AIG1: variants seen among roughly 807,000 people sequenced by gnomAD.
AIG1 encodes the protein androgen induced 1.
AIG1 carries 23 observed loss-of-function variants against 31.4 expected under a neutral mutation model. The observed-to-expected ratio is 0.73, with a 90% CI of 0.53 to 1.04. The LOEUF is 1.04. Among genes scored for constraint, AIG1 ranks in the 50% least tolerant of loss-of-function variants. The pLI is 0.00. For synonymous variants in AIG1, 100 were observed against 110.5 expected (o/e 0.90, Z 0.60); for missense variants, 274 against 295.0 (o/e 0.93, Z 0.52).
rs1776955869 is a variant in AIG1 at position 143,330,152 on chromosome 6, C to T, written c.516-3130C>T. Among the ~76,000 whole-genome samples, 1 of 152,158 alleles carries T rather than the reference C, an allele frequency of 6.6e-6. No individual in the cohort carries two copies. On this transcript the variant is annotated intron_variant, in intron 4 of 5. Transcript: ENST00000357847. This position sits in a 1 kb window ranked among gnomAD's most constrained non-coding sequence, Gnocchi z 4.4. The stretch of plus-strand genomic sequence containing the variant: ...TATTGAGTGCATACTCTGCCAGATA[C>T]TGCTCCAAGAACCACAGAATACAGC...
chr6:143,114,998 A>G (rs1412832247), intron 1 of AIG1, among the ~76,000 whole-genome samples: 1 of 152,148 alleles, frequency 6.6e-6, no homozygotes, highest in Non-Finnish European at 1.5e-5. Flanking sequence ...CTTGTTTTTT[A>G]TACTTTATTA....
chr6:143,080,307 G>A (rs144639604), intron 1 of AIG1, among the ~76,000 whole-genome samples: 146 of 152,282 alleles, frequency 9.6e-4, no homozygotes, highest in East Asian at 3.9e-3. Context: ...CCAGGGGTCC[G>A]CGGTAGATCT....
intron 3 of AIG1, among the ~76,000 whole-genome samples, chr6:143,281,805 A>C (rs535349961): frequency 1.1e-4 from 17 of 152,232 alleles, no homozygotes; most frequent in Non-Finnish European, 2.2e-4. Context: ...GTTATGACAT[A>C]GAAAAACCTT....
At chr6:143,065,151 A>G (rs2128457140) in intron 1 of AIG1, among the ~76,000 whole-genome samples, 1 of 152,246 alleles carries the variant, frequency 6.6e-6, no homozygotes, top group Non-Finnish European at 1.5e-5. Context: ...TAAGGCAGGA[A>G]TTGGCTGTTT....
In AIG1 at chr6:143,115,562, A is replaced by T. The variant is rs573709301; in HGVS notation, c.142-21273A>T. ...AGCAGCCTGTTTCTTATATTGACTGATACAGGATTAAACACCAGCTTGAGG... is the reference window on the plus strand; with the variant it reads ...AGCAGCCTGTTTCTTATATTGACTGTTACAGGATTAAACACCAGCTTGAGG... On this transcript the variant is annotated intron_variant, in intron 1 of 5. Coordinates refer to ENST00000357847, the MANE Select transcript of AIG1 (RefSeq NM_016108.4). 6.0e-4 allele frequency among the ~76,000 whole-genome samples: 92 copies of T among 152,350 alleles called. 1 individual carries two copies. Among genetic ancestry groups the T allele is most frequent in the African/African-American group, 2.1e-3 (89 of 41,584 alleles).
Position 143,334,163 on chromosome 6 carries a change from AG to A in AIG1, c.679+720del, listed in dbSNP as rs1777300217. ...TATGTACAATAACATAAAAATTGAA[AG>A]GTGGAAAAAGCGCCAGCACAGACAT... On this transcript the variant is annotated intron_variant, in intron 5 of 5. Coordinates refer to ENST00000357847, the MANE Select transcript of AIG1 (RefSeq NM_016108.4). The surrounding 1 kb of genome is among the most constrained non-coding windows in gnomAD (Gnocchi z 5.1). 6.8e-7 allele frequency: 1 copy of A among 1,473,730 alleles called. No homozygotes were observed. The highest frequency in any genetic ancestry group is 2.5e-5 in the East Asian group (1 of 40,294). 91.3% of individuals were successfully genotyped at this position (1,473,730 alleles called of 1,614,324 possible). A position where few individuals can be genotyped will look rare whatever the true frequency, so the allele number is the denominator to read the frequency against.
rs909100349 is a variant in AIG1 at position 143,299,731 on chromosome 6, C to T, written c.515+15506C>T. 9.9e-5 allele frequency among the ~76,000 whole-genome samples: 15 copies of T among 152,182 alleles called. No homozygotes were observed. Among genetic ancestry groups the T allele is most frequent in the South Asian group, 2.1e-4 (1 of 4,828 alleles). On this transcript the variant is annotated intron_variant, in intron 4 of 5. Coordinates refer to ENST00000357847, the MANE Select transcript of AIG1 (RefSeq NM_016108.4). The surrounding 1 kb of genome is among the most constrained non-coding windows in gnomAD (Gnocchi z 4.1). ...CAGTAGGCTCTGCCTCTTCTCAGAACGCCACACATCAGCTCTGCTAAACTG... is the reference window on the plus strand; with the variant it reads ...CAGTAGGCTCTGCCTCTTCTCAGAATGCCACACATCAGCTCTGCTAAACTG...
chr6:143,123,937 G>A (rs147164361), intron 1 of AIG1, among the ~76,000 whole-genome samples: 32 of 152,150 alleles, frequency 2.1e-4, no homozygotes, highest in African/African-American at 7.5e-4. Flanking sequence ...TACTTTCTTT[G>A]GAAGAGGATT....
intron 3 of AIG1, among the ~76,000 whole-genome samples, chr6:143,194,344 G>C (rs1259117624): frequency 6.6e-6 from 1 of 152,054 alleles, no homozygotes; most frequent in Non-Finnish European, 1.5e-5. Flanking sequence ...GAATAGCATG[G>C]GGCAAACTGC....
intron 5 of AIG1, among the ~76,000 whole-genome samples, chr6:143,337,150 C>T (rs933752644): frequency 1.3e-5 from 2 of 152,234 alleles, no homozygotes; most frequent in African/African-American, 4.8e-5. Context: ...AGGAGCCAGT[C>T]GCTGAACCAT....
chr6:143,314,863 G>A (rs1209975938), intron 4 of AIG1, among the ~76,000 whole-genome samples: 1 of 152,086 alleles, frequency 6.6e-6, no homozygotes, highest in African/African-American at 2.4e-5. Context: ...GATTTTCAAT[G>A]TGAAAATATA....
rs1335156095 is a variant in AIG1 at position 143,292,301 on chromosome 6, T to C, written c.515+8076T>C. On this transcript the variant is annotated intron_variant, in intron 4 of 5. Transcript: ENST00000357847. This position sits in a 1 kb window ranked among gnomAD's most constrained non-coding sequence, Gnocchi z 4.9. The stretch of plus-strand genomic sequence containing the variant: ...AGGTAAGGACCTTGTGATGGACAGG[T>C]TAGCCTGCTTTTGCAGGTGGACCCA... Among the ~76,000 whole-genome samples the C allele has an allele frequency of 1.3e-5, 2 of 152,152 alleles. No individual in the cohort carries two copies. The highest frequency in any genetic ancestry group is 2.9e-5 in the Non-Finnish European group (2 of 68,016).
chr6:143,172,022 G>T (rs1787687623), intron 3 of AIG1, among the ~76,000 whole-genome samples: 3 of 151,966 alleles, frequency 2.0e-5, no homozygotes, highest in Admixed American at 2.0e-4. Context: ...ACTTTTTGAT[G>T]GGATTGTTTG....
At chr6:143,080,928 C>T (rs1309440431) in intron 1 of AIG1, among the ~76,000 whole-genome samples, 2 of 152,096 alleles carry the variant, frequency 1.3e-5, no homozygotes, top group Non-Finnish European at 2.9e-5. Context: ...TACCATGTCA[C>T]CAGGGTGGAA....
chr6:143,136,183 A>G (rs1190699040), intron 1 of AIG1, among the ~76,000 whole-genome samples: 2 of 152,246 alleles, frequency 1.3e-5, no homozygotes, highest in African/African-American at 4.8e-5. Flanking sequence ...TATTTCATAA[A>G]TACTAAAAAC....
chr6:143,081,236 T>G (rs1201273263), intron 1 of AIG1, among the ~76,000 whole-genome samples: 1 of 152,174 alleles, frequency 6.6e-6, no homozygotes, highest in Non-Finnish European at 1.5e-5. Flanking sequence ...CAACTTTTCC[T>G]GAGGATCGTG....
At chr6:143,257,666 C>T (rs901910762) in intron 3 of AIG1, among the ~76,000 whole-genome samples, 3 of 152,022 alleles carry the variant, frequency 2.0e-5, no homozygotes, top group African/African-American at 2.4e-5. Context: ...ATAAAGTTGC[C>T]GTGTTTTATG....
intron 3 of AIG1, among the ~76,000 whole-genome samples, chr6:143,169,597 C>G (rs2128570755): frequency 6.6e-6 from 1 of 152,208 alleles, no homozygotes; most frequent in East Asian, 1.9e-4. Context: ...TCCATACTCT[C>G]CCCTCCTGGC....
intron 3 of AIG1, among the ~76,000 whole-genome samples, chr6:143,170,642 C>T (rs552736806): frequency 5.5e-5 from 8 of 145,194 alleles, no homozygotes; most frequent in African/African-American, 2.0e-4. Flanking sequence ...CAATTCTGTT[C>T]TGGTATTTAT....
Sources: gnomAD v4.1 joint callset for allele counts (sites outside exome capture counted in the v4.1 genomes callset) on GRCh38, gnomAD v4.1.1 for gene constraint, Gnocchi (gnomAD v3.1) non-coding constraint, MANE v1.5 for transcripts, NCBI Gene and HGNC (gene_info 2026-07-23, HGNC 2026-07-21) for gene names.